VPS45: variants seen among roughly 807,000 people sequenced by gnomAD.
The protein encoded by VPS45 is vacuolar protein sorting-associated protein 45.
VPS45 carries 35 observed loss-of-function variants against 75.9 expected under a neutral mutation model. The observed-to-expected ratio is 0.46, with a 90% CI of 0.35 to 0.61. The LOEUF is 0.61. Ranked by LOEUF, VPS45 falls within the 20% of genes least tolerant of loss-of-function variation. The pLI is 0.00. For missense variants in VPS45, 559 were observed against 685.9 expected, an observed-to-expected ratio of 0.81 and a Z score of 2.07; for synonymous variants, 220 against 238.2, an observed-to-expected ratio of 0.92 and a Z score of 0.70.
chr1:150,121,408 C>G (rs2101629563), intron 14 of VPS45, among the ~76,000 whole-genome samples: 1 of 152,226 alleles, frequency 6.6e-6, no homozygotes, highest in Non-Finnish European at 1.5e-5. Flanking sequence ...CACATGCTGT[C>G]CTAAGCAGTT....
chr1:150,119,831 G>A (rs587746140), intron 14 of VPS45, among the ~76,000 whole-genome samples: 22 of 152,270 alleles, frequency 1.4e-4, no homozygotes, highest in African/African-American at 4.6e-4. Context: ...ATCTGAGGCC[G>A]GGCGCGGTGG....
intron 14 of VPS45, among the ~76,000 whole-genome samples, chr1:150,111,567 A>G (rs1210801198): frequency 1.3e-5 from 2 of 152,162 alleles, no homozygotes; most frequent in Non-Finnish European, 2.9e-5. Context: ...AGAGGAAAAG[A>G]CTGGAGAACC....
chr1:150,076,438 A>G (rs1279172840), intron 4 of VPS45, 126 bp downstream of exon 4: 12 of 623,660 alleles, frequency 1.9e-5, no homozygotes, highest in Non-Finnish European at 3.1e-5. Context: ...GAATATGTTT[A>G]TCACATAAAT....
chr1:150,144,965 G>T lies in VPS45; in HGVS notation c.*169G>T. ...GCACAGACACAAGACTCCCAGAGTT[G>T]TCCTAACAATAAGTCTGAGCCCATC... On this transcript the variant is annotated 3_prime_UTR_variant, in exon 15 of 15. Transcript: ENST00000644510. 1 of 1,525,662 alleles carries T rather than the reference G, an allele frequency of 6.6e-7. No homozygotes were observed. Among genetic ancestry groups the T allele is most frequent in the Non-Finnish European group, 8.8e-7 (1 of 1,138,364 alleles). 94.5% of individuals were successfully genotyped at this position (1,525,662 alleles called of 1,614,324 possible).
chr1:150,076,424 A>T (rs1206717560), intron 4 of VPS45, 112 bp downstream of exon 4: 1 of 703,142 alleles, frequency 1.4e-6, no homozygotes, highest in African/African-American at 1.9e-5. Flanking sequence ...TATTATGAAT[A>T]CTTGAATATG....
At chr1:150,097,077 G>A (rs75910782) in intron 13 of VPS45, among the ~76,000 whole-genome samples, 3,913 of 134,058 alleles carry the variant, frequency 0.029, 165 homozygotes, top group African/African-American at 0.1. Context: ...GCAGGATGTT[G>A]TAACATTTCT....
chr1:150,068,442 G>A (rs1475221930), intron 1 of VPS45, 188 bp from the exon 2 acceptor site: 4 of 462,610 alleles, frequency 8.6e-6, no homozygotes, highest in African/African-American at 6.0e-5. Flanking sequence ...TGAAGCTTCA[G>A]CTGAAAGGAT....
At chr1:150,088,384 T>G (rs1248467015) in intron 10 of VPS45, among the ~76,000 whole-genome samples, 1 of 150,980 alleles carries the variant, frequency 6.6e-6, no homozygotes, top group Admixed American at 6.6e-5. Flanking sequence ...CAGGTTAATC[T>G]GTTTTGCCAC....
chr1:150,122,549 CTAGGAGT>C (rs1559936630), intron 14 of VPS45, among the ~76,000 whole-genome samples: 1 of 151,600 alleles, frequency 6.6e-6, no homozygotes, highest in Non-Finnish European at 1.5e-5. Flanking sequence ...CTGCTTTTCA[CTAGGAGT>C]TAGAGAGCAC....
chr1:150,138,933 T>G (rs1659246041), intron 14 of VPS45, among the ~76,000 whole-genome samples: 1 of 152,184 alleles, frequency 6.6e-6, no homozygotes, highest in Admixed American at 6.5e-5. Flanking sequence ...TTGAATCTCC[T>G]CTTTATCTCA....
chr1:150,104,224 A>C (rs976935630), intron 13 of VPS45, among the ~76,000 whole-genome samples: 4 of 151,738 alleles, frequency 2.6e-5, no homozygotes, highest in African/African-American at 9.7e-5. Flanking sequence ...CTTCATCCTT[A>C]TGTCCATGTG....
chr1:150,103,742 C>G (rs1559923473), intron 13 of VPS45, among the ~76,000 whole-genome samples: 1 of 152,152 alleles, frequency 6.6e-6, no homozygotes, highest in Non-Finnish European at 1.5e-5. Flanking sequence ...AGGTGATGGT[C>G]AGAGGATAGC....
chr1:150,105,711 A>G (rs1401405016), intron 13 of VPS45, among the ~76,000 whole-genome samples: 13 of 152,198 alleles, frequency 8.5e-5, no homozygotes, highest in Non-Finnish European at 1.5e-4. Context: ...ATTCAACACA[A>G]TTCCTATCAA....
At chr1:150,107,380 C>G (rs1468798690) in intron 13 of VPS45, among the ~76,000 whole-genome samples, 6 of 152,152 alleles carry the variant, frequency 3.9e-5, no homozygotes, top group African/African-American at 1.4e-4. Flanking sequence ...ATGGACTCCC[C>G]CTTTACCCCT....
intron 14 of VPS45, among the ~76,000 whole-genome samples, chr1:150,126,578 T>A (rs1334337103): frequency 6.6e-6 from 1 of 152,168 alleles, no homozygotes; most frequent in African/African-American, 2.4e-5. Flanking sequence ...ATTGAGGAGT[T>A]GGTTATACAA....
intron 2 of VPS45, among the ~76,000 whole-genome samples, chr1:150,069,124 CTTTATTCACA>C (rs1225885028): frequency 2.0e-5 from 3 of 152,198 alleles, no homozygotes; most frequent in African/African-American, 7.2e-5. Flanking sequence ...ATCTTTGCCA[CTTTATTCACA>C]TTTATGCTCA....
chr1:150,072,242 C>T lies in VPS45; in HGVS notation c.289+16C>T, dbSNP rs782365022. 5 of 1,576,552 alleles carry T rather than the reference C, an allele frequency of 3.2e-6. No homozygotes were observed. Among genetic ancestry groups the T allele is most frequent in the Non-Finnish European group, 4.3e-6 (5 of 1,155,794 alleles). ...TATTTCATTTGTAAGTATGTTAGTT[C>T]ACTTTTTCAAACATGTAACAACATC... On this transcript the variant is annotated intron_variant, in intron 3 of 14. Transcript: ENST00000644510.
chr1:150,143,854 C>T (rs587632714), intron 14 of VPS45, among the ~76,000 whole-genome samples: 1 of 152,180 alleles, frequency 6.6e-6, no homozygotes, highest in South Asian at 2.1e-4. Flanking sequence ...AGTCACTTAA[C>T]CTCCCCTCTA....
At chr1:150,075,234 G>A (rs1212767374) in intron 3 of VPS45, among the ~76,000 whole-genome samples, 1 of 141,364 alleles carries the variant, frequency 7.1e-6, no homozygotes, top group African/African-American at 2.7e-5. Flanking sequence ...TTAATCTTCT[G>A]TATAGGTCCT....
Sources: gnomAD v4.1 joint callset for allele counts (sites outside exome capture counted in the v4.1 genomes callset) on GRCh38, gnomAD v4.1.1 for gene constraint, MANE v1.5 for transcripts, NCBI Gene and HGNC (gene_info 2026-07-23, HGNC 2026-07-21) for gene names.